The following DIO1 variants were observed in gnomAD, a reference collection of about 807,000 sequenced individuals.
DIO1 encodes iodothyronine deiodinase 1, also known as type I iodothyronine deiodinase.
DIO1 carries 17 observed loss-of-function variants against 25.9 expected under a neutral mutation model. That is an observed-to-expected ratio of 0.66 (90% CI 0.45 to 0.98). The LOEUF (loss-of-function observed/expected upper bound fraction) is 0.98. Among genes scored for constraint, DIO1 ranks in the 50% least tolerant of loss-of-function variants. DIO1 has a pLI of 0.00. For synonymous variants in DIO1, 115 were observed against 114.0 expected (o/e 1.01, Z -0.05); for missense variants, 270 against 310.4 (o/e 0.87, Z 0.98).
rs1342732689 is a variant in DIO1, at chr1:53,910,369, C to G, written c.*370C>G. ...GGCACACTTCTGAGGTACGGTATCTCTCTCCAGCCACTCTGATACCAAGTA... is the reference window on the plus strand; with the variant it reads ...GGCACACTTCTGAGGTACGGTATCTGTCTCCAGCCACTCTGATACCAAGTA... On this transcript the variant is annotated 3_prime_UTR_variant, in exon 4 of 4. Coordinates refer to ENST00000361921, the MANE Select transcript of DIO1 (RefSeq NM_000792.7). 1 of 194,350 alleles carries G rather than the reference C, an allele frequency of 5.1e-6. No homozygotes were observed. Among genetic ancestry groups the G allele is most frequent in the Non-Finnish European group, 1.1e-5 (1 of 93,180 alleles). The allele number at this position is 194,350 out of a possible 1,614,324, so 12.0% of individuals were successfully genotyped here. A position where few individuals can be genotyped will look rare whatever the true frequency, so the allele number is the denominator to read the frequency against.
At chr1:53,906,417 T>C (rs553059710) in intron 3 of DIO1, 123 bp downstream of exon 3, 1 of 826,962 alleles carries the variant, frequency 1.2e-6, no homozygotes, top group Non-Finnish European at 1.9e-6. Context: ...TTACCAGCCA[T>C]GTGACCATGG....
At position 53,906,152 on chromosome 1, in the gene DIO1, G is replaced by A. The variant is rs145006861; in HGVS notation, c.539G>A (p.Arg180His). ...DIRNHQNLQD[R>H]LQAAHLLLAR... ...AGAAATCACCAGAACCTTCAGGATC[G>A]CCTGCAGGCAGCCCATCTACTGCTG... is the stretch of plus-strand genomic sequence containing the variant. Residue 180 changes from arginine (R) to histidine (H), a missense_variant, in exon 3 of 4, where the codon CGC (arginine) becomes CAC (histidine). By Grantham distance (29) the Arg-to-His change is conservative (BLOSUM62 0). Transcript: ENST00000361921. 530 of 1,614,044 alleles carry A rather than the reference G, an allele frequency of 3.3e-4. No homozygotes were observed. Among genetic ancestry groups the A allele is most frequent in the African/African-American group, 4.5e-4 (34 of 74,912 alleles).
Position 53,894,882 on chromosome 1 carries a change from T to C in DIO1, c.337+335T>C, listed in dbSNP as rs1388115999. On this transcript the variant is annotated intron_variant, in intron 1 of 3. Transcript: ENST00000361921. The surrounding 1 kb of genome is among the most constrained non-coding windows in gnomAD (Gnocchi z 4.9). ...GTTCAATCTTCAGACTGTTGCTCAA[T>C]GACGCTTCTTTCGAGAAGCCAAGCC... Among the ~76,000 whole-genome samples, 1 of 152,240 alleles carries C rather than the reference T, an allele frequency of 6.6e-6. No homozygotes were observed. Among genetic ancestry groups the C allele is most frequent in the Non-Finnish European group, 1.5e-5 (1 of 68,032 alleles).
intron 1 of DIO1, among the ~76,000 whole-genome samples, chr1:53,895,517 G>T (rs902436034): frequency 1.3e-5 from 2 of 152,290 alleles, no homozygotes; most frequent in South Asian, 4.1e-4. Flanking sequence ...GACCGTTCCA[G>T]TTTTCTCTTT....
chr1:53,902,159 T>C (rs1466987614), intron 1 of DIO1, among the ~76,000 whole-genome samples: 1 of 151,718 alleles, frequency 6.6e-6, no homozygotes, highest in Non-Finnish European at 1.5e-5. Flanking sequence ...TCTCTTTGGC[T>C]AGAATCCCTT....
chr1:53,910,062 T>C lies in DIO1; in HGVS notation c.*63T>C. On this transcript the variant is annotated 3_prime_UTR_variant, in exon 4 of 4. Transcript: ENST00000361921. Reference sequence around the variant, plus strand: ...GGGCTTCTCAAGGCTTAGCTCTCCCTGAGACCCAGCTGGCTTTTACCCTTG... The same window carrying C: ...GGGCTTCTCAAGGCTTAGCTCTCCCCGAGACCCAGCTGGCTTTTACCCTTG... 2.8e-6 allele frequency: 4 copies of C among 1,450,318 alleles called. No individual in the cohort carries two copies. In the South Asian group the frequency reaches 4.6e-5, roughly 17 times the overall value. The allele number at this position is 1,450,318 out of a possible 1,614,324, so 89.8% of individuals were successfully genotyped here. A position where few individuals can be genotyped will look rare whatever the true frequency, so the allele number is the denominator to read the frequency against.
rs952219274 is a variant in DIO1 at position 53,906,811 on chromosome 1, G to A, written c.681+517G>A. 3.9e-5 allele frequency among the ~76,000 whole-genome samples: 6 copies of A among 152,074 alleles called. 1 individual carries two copies. The highest frequency in any genetic ancestry group is 1.4e-4 in the African/African-American group (6 of 41,510). The stretch of plus-strand genomic sequence containing the variant: ...AGCTGGGACTACAGGCGCACACCAC[G>A]CCCAGCTAATTTTTGTATTTTTAGT... On this transcript the variant is annotated intron_variant, in intron 3 of 3. Transcript: ENST00000361921.
intron 1 of DIO1, among the ~76,000 whole-genome samples, chr1:53,903,898 A>G (rs1382488876): frequency 6.6e-6 from 1 of 151,812 alleles, no homozygotes; most frequent in East Asian, 1.9e-4. Flanking sequence ...ACTTTCCCCC[A>G]CTTTTTGAAC....
At chr1:53,909,825 A>C in intron 3 of DIO1, 106 bp from the exon 4 acceptor site, 1 of 1,066,070 alleles carries the variant, frequency 9.4e-7, no homozygotes, top group Non-Finnish European at 1.5e-6. Flanking sequence ...TGGCTCCTAC[A>C]CAGACATCAT....
intron 3 of DIO1, among the ~76,000 whole-genome samples, chr1:53,906,896 T>G (rs1300595272): frequency 2.0e-5 from 3 of 152,210 alleles, no homozygotes; most frequent in Non-Finnish European, 2.9e-5. Flanking sequence ...TCAAGTGATC[T>G]GCCCGCCTTG....
intron 3 of DIO1, 47 bp from the exon 4 acceptor site, chr1:53,909,883 CT>C (rs1651859170): frequency 6.3e-7 from 1 of 1,588,952 alleles, no homozygotes; most frequent in South Asian, 1.1e-5. Flanking sequence ...TTCCTTACAA[CT>C]TGGAAATCCT....
At chr1:53,902,621 A>G (rs1379039151) in intron 1 of DIO1, among the ~76,000 whole-genome samples, 1 of 151,686 alleles carries the variant, frequency 6.6e-6, no homozygotes, top group Non-Finnish European at 1.5e-5. Context: ...TGCTCCAATA[A>G]ATGTATGGTA....
chr1:53,896,582 G>A (rs1651090224), intron 1 of DIO1, among the ~76,000 whole-genome samples: 1 of 152,148 alleles, frequency 6.6e-6, no homozygotes. Flanking sequence ...TTACTATGTA[G>A]TGTTGCCTGG....
chr1:53,901,481 CAGG>C (rs1202587186), intron 1 of DIO1, among the ~76,000 whole-genome samples: 1 of 152,138 alleles, frequency 6.6e-6, no homozygotes, highest in African/African-American at 2.4e-5. Context: ...CCATCCCTTA[CAGG>C]AGCACCACAA....
At position 53,894,886 on chromosome 1, in the gene DIO1, G is replaced by A. The variant is rs1400669091; in HGVS notation, c.337+339G>A. On this transcript the variant is annotated intron_variant, in intron 1 of 3. Transcript: ENST00000361921. The surrounding 1 kb of genome is among the most constrained non-coding windows in gnomAD (Gnocchi z 4.9). ...AATCTTCAGACTGTTGCTCAATGAC[G>A]CTTCTTTCGAGAAGCCAAGCCCAAC... is the stretch of plus-strand genomic sequence containing the variant. 6.6e-6 allele frequency among the ~76,000 whole-genome samples: 1 copy of A among 152,112 alleles called. No individual in the cohort carries two copies. The highest frequency in any genetic ancestry group is 6.6e-5 in the Admixed American group (1 of 15,264).
Position 53,906,301 on chromosome 1 carries a change from A to G in DIO1, c.681+7A>G. Reference sequence around the variant, plus strand: ...GGGCAGGATCCTCTACAAGGTGGTGACCTGGGGACAGGGGGCCCAGGGAGG... The same window carrying G: ...GGGCAGGATCCTCTACAAGGTGGTGGCCTGGGGACAGGGGGCCCAGGGAGG... On this transcript the variant is annotated splice_region_variant and intron_variant, in intron 3 of 3. Transcript: ENST00000361921. The G allele has an allele frequency of 6.2e-7, 1 of 1,605,376 alleles. No homozygotes were observed. The highest frequency in any genetic ancestry group is 8.5e-7 in the Non-Finnish European group (1 of 1,174,402).
At chr1:53,898,472 T>C (rs943276072) in intron 1 of DIO1, among the ~76,000 whole-genome samples, 6 of 152,058 alleles carry the variant, frequency 3.9e-5, no homozygotes, top group African/African-American at 1.4e-4. Context: ...TGGCCGAGCA[T>C]GGTGGCTCAC....
chr1:53,899,840 A>AT (rs951923206), intron 1 of DIO1, among the ~76,000 whole-genome samples: 4 of 151,328 alleles, frequency 2.6e-5, no homozygotes, highest in East Asian at 1.9e-4. Flanking sequence ...CGCCTGGATA[A>AT]TTTTTTTTTA....
At chr1:53,903,701 T>G (rs1401153109) in intron 1 of DIO1, among the ~76,000 whole-genome samples, 1 of 151,572 alleles carries the variant, frequency 6.6e-6, no homozygotes, top group African/African-American at 2.4e-5. Context: ...ATACAAAAAT[T>G]AGCCAGGTGT....
Sources: gnomAD v4.1 joint callset for allele counts (sites outside exome capture counted in the v4.1 genomes callset) on GRCh38, gnomAD v4.1.1 for gene constraint, Gnocchi (gnomAD v3.1) non-coding constraint, MANE v1.5 for transcripts, NCBI Gene and HGNC (gene_info 2026-07-23, HGNC 2026-07-21) for gene names.